The following WDR7 variants were observed in gnomAD, a reference collection of about 807,000 sequenced individuals.
WDR7 encodes the protein WD repeat-containing protein 7.
In WDR7, 46 loss-of-function variants were observed where a neutral mutation model predicts 169.4. The observed-to-expected ratio is 0.27, with a 90% CI of 0.21 to 0.35. The LOEUF is 0.35. Ranked by LOEUF, WDR7 falls within the 10% of genes least tolerant of loss-of-function variation. The probability of loss-of-function intolerance (pLI) is 1.00; values close to 1 mark genes in which losing one functional copy is unlikely to be tolerated. For synonymous variants in WDR7, 612 were observed against 666.8 expected (o/e 0.92, Z 1.27); for missense variants, 1,534 against 1,859.3 (o/e 0.83, Z 3.22).
chr18:56,888,404 A>G (rs1028755101), intron 21 of WDR7, among the ~76,000 whole-genome samples: 3 of 152,222 alleles, frequency 2.0e-5, no homozygotes, highest in African/African-American at 7.2e-5. Context: ...TCTCTTGCAT[A>G]AAATAAAAGG....
chr18:56,985,501 G>A (rs889397313), intron 26 of WDR7, among the ~76,000 whole-genome samples: 3 of 152,008 alleles, frequency 2.0e-5, no homozygotes, highest in Admixed American at 1.3e-4. Context: ...TATTTGATTA[G>A]TATGTTTCTA....
chr18:56,874,262 G>A (rs2045992503), intron 20 of WDR7, among the ~76,000 whole-genome samples: 1 of 152,062 alleles, frequency 6.6e-6, no homozygotes. Flanking sequence ...CAGAGGCAAT[G>A]ATTATTGATT....
In WDR7 at chr18:56,925,822, A is replaced by G. The variant is rs1036935760; in HGVS notation, c.3713+1714A>G. On this transcript the variant is annotated intron_variant, in intron 22 of 27. Transcript: ENST00000254442. The stretch of plus-strand genomic sequence containing the variant: ...GCTGCCTGCCCCCCAGTTACCTCCT[A>G]TCATACTACCATGCATCCTAAACTT... Among the ~76,000 whole-genome samples the G allele has an allele frequency of 5.9e-5, 9 of 152,240 alleles. No individual in the cohort carries two copies. In the South Asian group the frequency reaches 8.3e-4, roughly 14 times the overall value.
rs151130296 is a variant in WDR7, at chr18:56,899,911, T to C, written c.3526+19746T>C. Among the ~76,000 whole-genome samples, 1,075 of 152,062 alleles carry C rather than the reference T, an allele frequency of 7.1e-3. 15 individuals are homozygous for C. Among genetic ancestry groups the C allele is most frequent in the Middle Eastern group, 0.024 (7 of 292 alleles). On this transcript the variant is annotated intron_variant, in intron 21 of 27. Transcript: ENST00000254442. ...TTAGAAATAATCCCTAAGAATTCAATATGTGCTTTAAAGTTTTGCATTATT... is the reference window on the plus strand; with the variant it reads ...TTAGAAATAATCCCTAAGAATTCAACATGTGCTTTAAAGTTTTGCATTATT...
chr18:56,728,770 C>T (rs2026517687), intron 13 of WDR7, among the ~76,000 whole-genome samples: 1 of 152,196 alleles, frequency 6.6e-6, no homozygotes, highest in South Asian at 2.1e-4. Flanking sequence ...TGAACTCCCT[C>T]CTCTCTCCAC....
rs1253765257 is a variant in WDR7 at position 57,029,580 on chromosome 18, A to G, written c.*2373A>G. 6.6e-6 allele frequency: 1 copy of G among 152,000 alleles called. No homozygotes were observed. The highest frequency in any genetic ancestry group is 1.9e-4 in the East Asian group (1 of 5,158). 9.4% of individuals were successfully genotyped at this position (152,000 alleles called of 1,614,324 possible). ...TATTTGGACCTGTCCTTGTATATGT[A>G]GAGACATATGTGGCTTCATTGGTAA... On this transcript the variant is annotated 3_prime_UTR_variant, in exon 28 of 28. Transcript: ENST00000254442.
At chr18:56,750,940 T>G (rs996245833) in intron 14 of WDR7, among the ~76,000 whole-genome samples, 3 of 152,214 alleles carry the variant, frequency 2.0e-5, no homozygotes, top group Non-Finnish European at 2.9e-5. Context: ...TTACAAGTTA[T>G]GCAGGACTTG....
At chr18:56,766,023 C>CT (rs558592401) in intron 16 of WDR7, among the ~76,000 whole-genome samples, 13,070 of 143,118 alleles carry the variant, frequency 0.091, 681 homozygotes, top group East Asian at 0.19. Context: ...TTTTTGAAAG[C>CT]TTTTTTTTTT....
At chr18:56,672,739 A>G in intron 2 of WDR7, 65 bp downstream of exon 2, 2 of 1,417,186 alleles carry the variant, frequency 1.4e-6, no homozygotes, top group Non-Finnish European at 1.9e-6. Flanking sequence ...AAGATAATAT[A>G]GTCCCCAAAT....
At chr18:56,742,384 T>A (rs939228540) in intron 14 of WDR7, among the ~76,000 whole-genome samples, 1 of 152,180 alleles carries the variant, frequency 6.6e-6, no homozygotes, top group Non-Finnish European at 1.5e-5. Context: ...AATATACATA[T>A]TTATGGCAAA....
chr18:56,667,078 A>C (rs930879294), intron 1 of WDR7, among the ~76,000 whole-genome samples: 1 of 152,132 alleles, frequency 6.6e-6, no homozygotes, highest in East Asian at 1.9e-4. Flanking sequence ...GTATCATTTT[A>C]TGAAAATACT....
chr18:56,836,062 G>T (rs891413159), intron 20 of WDR7, among the ~76,000 whole-genome samples: 2 of 152,160 alleles, frequency 1.3e-5, no homozygotes, highest in Non-Finnish European at 2.9e-5. Flanking sequence ...AAAGAAAAAT[G>T]TGAAGATTAA....
intron 7 of WDR7, 66 bp from the exon 8 acceptor site, chr18:56,691,150 A>G: frequency 3.3e-6 from 5 of 1,537,730 alleles, no homozygotes; most frequent in Middle Eastern, 1.8e-4. Context: ...TTAAACTTGA[A>G]ATGTCACTGG....
intron 22 of WDR7, 104 bp from the exon 23 acceptor site, chr18:56,935,684 G>T: frequency 9.8e-7 from 1 of 1,016,612 alleles, no homozygotes; most frequent in Non-Finnish European, 1.5e-6. Context: ...CTGTTTGAGT[G>T]CTCCCATTGA....
intron 10 of WDR7, 35 bp downstream of exon 10, chr18:56,694,795 A>G: frequency 6.3e-7 from 1 of 1,575,716 alleles, no homozygotes; most frequent in Non-Finnish European, 8.6e-7. Context: ...TTTCTTAATT[A>G]ATTTAATATC....
At chr18:56,848,440 C>G (rs2045596955) in intron 20 of WDR7, among the ~76,000 whole-genome samples, 1 of 152,102 alleles carries the variant, frequency 6.6e-6, no homozygotes, top group Non-Finnish European at 1.5e-5. Flanking sequence ...TGAGTTAATG[C>G]TGGAACGAGT....
At chr18:56,989,601 C>G (rs970519879) in intron 26 of WDR7, among the ~76,000 whole-genome samples, 1 of 152,130 alleles carries the variant, frequency 6.6e-6, no homozygotes, top group Non-Finnish European at 1.5e-5. Flanking sequence ...ATAATAACTT[C>G]CCTGGCGAAG....
intron 19 of WDR7, among the ~76,000 whole-genome samples, chr18:56,794,243 G>A (rs1331354344): frequency 1.4e-5 from 2 of 147,628 alleles, no homozygotes; most frequent in East Asian, 4.0e-4. Context: ...TATTCCCAAA[G>A]CAGTTCTCAA....
intron 26 of WDR7, chr18:57,010,136 A>T: frequency 1.0e-6 from 1 of 985,440 alleles, no homozygotes; most frequent in Non-Finnish European, 1.2e-6. Flanking sequence ...GAGGGGAGGG[A>T]TTTATTTTCA....
Sources: gnomAD v4.1 joint callset for allele counts (sites outside exome capture counted in the v4.1 genomes callset) on GRCh38, gnomAD v4.1.1 for gene constraint, MANE v1.5 for transcripts, NCBI Gene and HGNC (gene_info 2026-07-23, HGNC 2026-07-21) for gene names.